Variants in ROR1 observed in about 807,000 individuals in gnomAD.
ROR1 encodes the protein inactive tyrosine-protein kinase transmembrane receptor ROR1.
In ROR1, 19 loss-of-function variants were observed where a neutral mutation model predicts 78.8. The ratio of observed to expected loss-of-function variants is 0.24; its 90% confidence interval spans 0.17 to 0.35. ROR1 has a LOEUF of 0.35. Among genes scored for constraint, ROR1 ranks in the 10% least tolerant of loss-of-function variants. ROR1 has a pLI of 1.00. For synonymous variants in ROR1, 386 were observed against 433.6 expected (o/e 0.89, Z 1.36); for missense variants, 917 against 1,177.8 (o/e 0.78, Z 3.24).
intron 2 of ROR1, among the ~76,000 whole-genome samples, chr1:64,045,018 A>T (rs578125784): frequency 2.6e-5 from 4 of 152,214 alleles, no homozygotes; most frequent in African/African-American, 9.6e-5. Flanking sequence ...ACAAAATCGT[A>T]TGTAGGTAGA....
intron 2 of ROR1, among the ~76,000 whole-genome samples, chr1:64,014,104 T>C (rs896063904): frequency 1.3e-5 from 2 of 152,210 alleles, no homozygotes; most frequent in African/African-American, 2.4e-5. Flanking sequence ...ACCATGTCTG[T>C]TGTGACAACT....
chr1:64,069,231 C>T (rs1242198791), intron 4 of ROR1, among the ~76,000 whole-genome samples: 2 of 151,748 alleles, frequency 1.3e-5, no homozygotes, highest in Admixed American at 6.6e-5. Flanking sequence ...TTATTATTGT[C>T]CACTTTATTA....
chr1:63,804,544 C>A (rs1644816592), intron 1 of ROR1, among the ~76,000 whole-genome samples: 2 of 152,206 alleles, frequency 1.3e-5, no homozygotes, highest in Admixed American at 1.3e-4. Context: ...AGTGAAGAAC[C>A]CCAGTGAAGA....
intron 2 of ROR1, among the ~76,000 whole-genome samples, chr1:64,031,437 G>A (rs1646658972): frequency 2.0e-5 from 3 of 152,318 alleles, no homozygotes; most frequent in South Asian, 4.1e-4. Flanking sequence ...GGGGCAGGCA[G>A]CCAATGTTCT....
intron 1 of ROR1, among the ~76,000 whole-genome samples, chr1:63,812,707 T>TA (rs1473336865): frequency 6.6e-6 from 1 of 152,222 alleles, no homozygotes; most frequent in Non-Finnish European, 1.5e-5. Flanking sequence ...TTTGGGTGTT[T>TA]AAAATGCTAT....
intron 1 of ROR1, among the ~76,000 whole-genome samples, chr1:63,965,763 C>A (rs1211577462): frequency 6.6e-6 from 1 of 152,140 alleles, no homozygotes; most frequent in African/African-American, 2.4e-5. Flanking sequence ...AAGAGGATAG[C>A]CCTTTTTTGG....
intron 8 of ROR1, among the ~76,000 whole-genome samples, chr1:64,169,245 A>AAT (rs1557682567): frequency 1.3e-5 from 2 of 152,200 alleles, no homozygotes; most frequent in African/African-American, 2.4e-5. Context: ...AGTCTGTTTG[A>AAT]ACACTGCTGA....
chr1:64,047,355 C>G (rs1206139860), intron 2 of ROR1, among the ~76,000 whole-genome samples: 1 of 152,194 alleles, frequency 6.6e-6, no homozygotes, highest in South Asian at 2.1e-4. Flanking sequence ...CACTCACTTT[C>G]ATTTTAATCC....
chr1:63,998,343 A>G (rs140163420), intron 1 of ROR1, among the ~76,000 whole-genome samples: 73 of 149,672 alleles, frequency 4.9e-4, no homozygotes, highest in African/African-American at 1.6e-3. Flanking sequence ...TAGGGGGTTT[A>G]TTTTCTTTCC....
Position 64,159,011 on chromosome 1 carries a change from T to C in ROR1, c.1205T>C (p.Met402Thr), listed in dbSNP as rs769470817. Residue 402 changes from methionine (M) to threonine (T), a missense_variant, in exon 8 of 9, where the codon ATG (methionine) becomes ACG (threonine). Coordinates refer to ENST00000371079, the MANE Select transcript of ROR1 (RefSeq NM_005012.4). The stretch of plus-strand genomic sequence containing the variant: ...AAGGATTCCAAGGAGAAGAATAAAA[T>C]GGAAATCCTGTACATACTAGTGCCA... Reference protein sequence around the residue: ...DSKDSKEKNKMEILYILVPSV... With the variant: ...DSKDSKEKNKTEILYILVPSV... 1 of 1,614,054 alleles carries C rather than the reference T, an allele frequency of 6.2e-7. No individual in the cohort carries two copies. The highest frequency in any genetic ancestry group is 1.7e-5 in the Admixed American group (1 of 59,998).
In ROR1 at chr1:63,927,581, G is replaced by A. The variant is rs539641590; in HGVS notation, c.92-81724G>A. 9.3e-5 allele frequency among the ~76,000 whole-genome samples: 14 copies of A among 150,584 alleles called. No homozygotes were observed. In the South Asian group the frequency reaches 2.3e-3, roughly 25 times the overall value. ...TTAAAAAAAAAAAAAAAATAGAGTA[G>A]CCTCTCTGAACTAGCAGCAGTCCTG... On this transcript the variant is annotated intron_variant, in intron 1 of 8. Transcript: ENST00000371079.
intron 8 of ROR1, among the ~76,000 whole-genome samples, chr1:64,172,519 C>T (rs1650268821): frequency 6.6e-6 from 1 of 152,094 alleles, no homozygotes; most frequent in Non-Finnish European, 1.5e-5. Flanking sequence ...TGCCTTACAG[C>T]ATATAATAAA....
In ROR1 at chr1:63,774,814, G is replaced by C. The variant is rs1398707334; in HGVS notation, c.91+306G>C. Among the ~76,000 whole-genome samples, 3 of 151,956 alleles carry C rather than the reference G, an allele frequency of 2.0e-5. No homozygotes were observed. Among genetic ancestry groups the C allele is most frequent in the Admixed American group, 6.5e-5 (1 of 15,274 alleles). On this transcript the variant is annotated intron_variant, in intron 1 of 8. Coordinates refer to ENST00000371079, the MANE Select transcript of ROR1 (RefSeq NM_005012.4). The surrounding 1 kb of genome is among the most constrained non-coding windows in gnomAD (Gnocchi z 5.7). ...GGGTTTGAGGGTCCTGGGGGTGATC[G>C]GGGCACTTCTGTGCAGGGCGTCCCC...
chr1:64,018,703 A>G (rs946527494), intron 2 of ROR1, among the ~76,000 whole-genome samples: 1 of 152,178 alleles, frequency 6.6e-6, no homozygotes, highest in Non-Finnish European at 1.5e-5. Context: ...TCAAGCTGTG[A>G]ACTTCTTGAG....
intron 1 of ROR1, among the ~76,000 whole-genome samples, chr1:63,784,956 T>A (rs1644675142): frequency 6.6e-6 from 1 of 152,242 alleles, no homozygotes; most frequent in Non-Finnish European, 1.5e-5. Context: ...CGGACTTTCT[T>A]AGCACCTGGA....
chr1:64,090,189 C>T (rs557516709), intron 4 of ROR1, among the ~76,000 whole-genome samples: 2 of 152,284 alleles, frequency 1.3e-5, no homozygotes, highest in Non-Finnish European at 2.9e-5. Context: ...GAGAAAAAGC[C>T]TATTGTCTTC....
intron 4 of ROR1, among the ~76,000 whole-genome samples, chr1:64,058,880 A>G (rs1414614210): frequency 6.6e-6 from 1 of 152,010 alleles, no homozygotes; most frequent in Non-Finnish European, 1.5e-5. Flanking sequence ...TTTTTCTTCC[A>G]TTTTTTAAGA....
chr1:64,102,097 G>T (rs74969509), intron 4 of ROR1, among the ~76,000 whole-genome samples: 2,260 of 152,234 alleles, frequency 0.015, 54 homozygotes, highest in African/African-American at 0.052. Context: ...TGCAAATAGG[G>T]CTGGGGAGAG....
chr1:63,786,611 T>C (rs1324471584), intron 1 of ROR1, among the ~76,000 whole-genome samples: 1 of 149,696 alleles, frequency 6.7e-6, no homozygotes, highest in African/African-American at 2.5e-5. Flanking sequence ...ATTGTCAGAT[T>C]TGATGGTTGT....
Sources: allele counts gnomAD v4.1 joint callset (sites outside exome capture counted in the v4.1 genomes callset), GRCh38; gene constraint gnomAD v4.1.1; non-coding constraint Gnocchi (gnomAD v3.1); transcripts MANE v1.5; gene names NCBI Gene and HGNC (gene_info 2026-07-23, HGNC 2026-07-21).